AKNA: variants seen among roughly 807,000 people sequenced by gnomAD.
AKNA encodes microtubule organization protein AKNA.
In AKNA, 67 loss-of-function variants were observed where a neutral mutation model predicts 138.8. The ratio of observed to expected loss-of-function variants is 0.48; its 90% CI spans 0.40 to 0.59. The LOEUF is 0.59. Ranked by LOEUF, AKNA falls within the 20% of genes least tolerant of loss-of-function variation. The pLI is 0.00. For synonymous variants in AKNA, 737 were observed against 754.4 expected (o/e 0.98, Z 0.38); for missense variants, 1,813 against 1,880.4 (o/e 0.96, Z 0.66).
chr9:114,342,132 G>T lies in AKNA; in HGVS notation c.3758-7C>A. 6.4e-7 allele frequency: 1 copy of T among 1,563,518 alleles called. No individual in the cohort carries two copies. The highest frequency in any genetic ancestry group is 1.2e-5 in the South Asian group (1 of 85,224). On this transcript the variant is annotated splice_region_variant and splice_polypyrimidine_tract_variant and intron_variant, in intron 19 of 21. Coordinates refer to ENST00000374088, the MANE Select transcript of AKNA (RefSeq NM_001317950.2). ...TCCCCTGTGACAGCACCACCTAGAA[G>T]AGGAGGAAGAGATGTCAGGGGAGGA...
At chr9:114,391,649 C>T (rs1326837141), upstream of AKNA, among the ~76,000 whole-genome samples, 1 of 152,022 alleles carries the variant, frequency 6.6e-6, no homozygotes, top group African/African-American at 2.4e-5. Context: ...AGGAGTTCGA[C>T]ACCAGCCTGG....
chr9:114,331,878 C>T (rs1429860172), downstream of AKNA: 11 of 1,613,726 alleles, frequency 6.8e-6, no homozygotes, highest in Non-Finnish European at 9.3e-6. Context: ...ACGAAGCTCT[C>T]GACTGCTTGT....
chr9:114,352,983 T>C (rs1308560618), intron 14 of AKNA, among the ~76,000 whole-genome samples: 1 of 151,142 alleles, frequency 6.6e-6, no homozygotes, highest in Non-Finnish European at 1.5e-5. Flanking sequence ...GTCAGAACAG[T>C]GGTTATGTTT....
At chr9:114,365,281 C>G (rs986435426) in intron 6 of AKNA, among the ~76,000 whole-genome samples, 2 of 152,066 alleles carry the variant, frequency 1.3e-5, no homozygotes, top group African/African-American at 2.4e-5. Context: ...GTTGCCTACC[C>G]AAAAATAAAT....
At chr9:114,395,907 C>T (rs908660077), upstream of AKNA, among the ~76,000 whole-genome samples, 1 of 152,152 alleles carries the variant, frequency 6.6e-6, no homozygotes, top group Non-Finnish European at 1.5e-5. Context: ...CCCGAGCTGA[C>T]ACCAGCACAC....
At chr9:114,378,471 C>G (rs1228608254) in intron 2 of AKNA, among the ~76,000 whole-genome samples, 1 of 152,126 alleles carries the variant, frequency 6.6e-6, no homozygotes, top group Admixed American at 6.5e-5. Context: ...TTCTATGAAG[C>G]CAAGGATGCT....
chr9:114,341,833 T>C (rs1340974571), intron 20 of AKNA, 108 bp from the exon 21 acceptor site: 4 of 1,368,368 alleles, frequency 2.9e-6, no homozygotes, highest in South Asian at 1.4e-5. Context: ...GGACAGGCCC[T>C]ACCCTGTGAG....
At chr9:114,374,382 AAC>A (rs1833015697) in intron 3 of AKNA, among the ~76,000 whole-genome samples, 1 of 152,220 alleles carries the variant, frequency 6.6e-6, no homozygotes, top group Non-Finnish European at 1.5e-5. Context: ...GCAGTGGGAC[AAC>A]TCTTCTACCC....
intron 17 of AKNA, 108 bp from the exon 18 acceptor site, chr9:114,346,117 A>T (rs1830668282): frequency 8.8e-7 from 1 of 1,136,952 alleles, no homozygotes; most frequent in Non-Finnish European, 1.3e-6. Context: ...CCTGGGTTTT[A>T]ATCCCCAGTC....
At chr9:114,397,139 C>A (rs1385887093), upstream of AKNA, among the ~76,000 whole-genome samples, 1 of 152,214 alleles carries the variant, frequency 6.6e-6, no homozygotes, top group African/African-American at 2.4e-5. Flanking sequence ...AAAGGCCCCA[C>A]GTGGACATCG....
upstream of AKNA, among the ~76,000 whole-genome samples, chr9:114,388,456 C>T (rs765146191): frequency 6.6e-6 from 1 of 152,210 alleles, no homozygotes; most frequent in Non-Finnish European, 1.5e-5. Context: ...TCTGACTCTG[C>T]CAATGTGCAA....
chr9:114,363,042 C>T (rs1470120282), intron 7 of AKNA, among the ~76,000 whole-genome samples: 11 of 152,226 alleles, frequency 7.2e-5, no homozygotes, highest in Admixed American at 5.9e-4. Flanking sequence ...AGCATTGAGG[C>T]TCTGGGCTAA....
chr9:114,375,261 C>T (rs192733943), intron 3 of AKNA, among the ~76,000 whole-genome samples: 11 of 152,284 alleles, frequency 7.2e-5, no homozygotes, highest in African/African-American at 1.9e-4. Flanking sequence ...AGACTGCGGA[C>T]GACTCTGCAG....
At chr9:114,340,481 GCTA>G (rs1397570513) in intron 21 of AKNA, among the ~76,000 whole-genome samples, 2 of 152,218 alleles carry the variant, frequency 1.3e-5, no homozygotes, top group Non-Finnish European at 1.5e-5. Context: ...TGATGGCGAA[GCTA>G]CTGTTTGCTC....
downstream of AKNA, chr9:114,331,599 T>C: frequency 6.2e-7 from 1 of 1,613,948 alleles, no homozygotes; most frequent in Non-Finnish European, 8.5e-7. Flanking sequence ...TCACCTGCTG[T>C]TCCTTAGGGA....
chr9:114,382,483 C>T (rs1465864817), intron 1 of AKNA, among the ~76,000 whole-genome samples: 4 of 150,512 alleles, frequency 2.7e-5, no homozygotes, highest in Non-Finnish European at 4.4e-5. Flanking sequence ...CTCCAGAGGT[C>T]GAGGTGGGAG....
intron 4 of AKNA, among the ~76,000 whole-genome samples, chr9:114,370,856 C>A (rs1473164066): frequency 1.3e-5 from 2 of 152,092 alleles, no homozygotes; most frequent in Admixed American, 6.5e-5. Context: ...GAAGCCTCCC[C>A]CTCCCCCCAT....
chr9:114,367,498 C>T (rs755365165), intron 6 of AKNA, 45 bp downstream of exon 6: 3 of 1,603,024 alleles, frequency 1.9e-6, no homozygotes, highest in Non-Finnish European at 2.5e-6. Context: ...CTGTGTTCTC[C>T]AGGTGAGTTA....
At chr9:114,343,648 T>C (rs1266138913) in intron 19 of AKNA, 60 bp downstream of exon 19, 5 of 1,549,828 alleles carry the variant, frequency 3.2e-6, no homozygotes, top group Non-Finnish European at 4.5e-6. Flanking sequence ...CACACTCCCC[T>C]GAGGGCAAGA....
Sources: gnomAD v4.1 joint callset for allele counts (sites outside exome capture counted in the v4.1 genomes callset) on GRCh38, gnomAD v4.1.1 for gene constraint, MANE v1.5 for transcripts, NCBI Gene and HGNC (gene_info 2026-07-23, HGNC 2026-07-21) for gene names.